Variants in ETFA observed in about 807,000 individuals in gnomAD.
The protein encoded by ETFA is electron transfer flavoprotein subunit alpha, mitochondrial.
A neutral mutation model predicts 46.2 loss-of-function variants in ETFA; 22 were observed. The observed-to-expected ratio is 0.48, with a 90% CI of 0.34 to 0.68. The LOEUF (loss-of-function observed/expected upper bound fraction) is 0.68, where lower values mean the gene tolerates loss of function less well. ETFA is among the 30% of genes least tolerant of loss of function. ETFA has a pLI of 0.01. For synonymous variants in ETFA, 131 were observed against 139.9 expected (o/e 0.94, Z 0.45); for missense variants, 345 against 401.1 (o/e 0.86, Z 1.19).
intron 9 of ETFA, among the ~76,000 whole-genome samples, chr15:76,251,685 C>T (rs1402915336): frequency 6.6e-6 from 1 of 152,144 alleles, no homozygotes; most frequent in Non-Finnish European, 1.5e-5. Flanking sequence ...TACCACCCCA[C>T]TTCAACTCCA....
Position 76,216,520 on chromosome 15 carries a change from A to G in ETFA, c.*39T>C. ...CAAATATCTGTGATTTCAGTGGAATACTTTAACAAAAGTTTTCTTTTTAAG... is the reference window on the plus strand; with the variant it reads ...CAAATATCTGTGATTTCAGTGGAATGCTTTAACAAAAGTTTTCTTTTTAAG... On this transcript the variant is annotated 3_prime_UTR_variant, in exon 12 of 12. Transcript: ENST00000557943. The G allele has an allele frequency of 8.4e-7, 1 of 1,185,706 alleles. No homozygotes were observed. The highest frequency in any genetic ancestry group is 1.3e-6 in the Non-Finnish European group (1 of 789,734). The allele number at this position is 1,185,706 out of a possible 1,614,324, so 73.4% of individuals were successfully genotyped here. A position where few individuals can be genotyped will look rare whatever the true frequency, so the allele number is the denominator to read the frequency against.
Position 76,223,589 on chromosome 15 carries a change from C to T in ETFA, c.963+2260G>A, listed in dbSNP as rs547071386. On this transcript the variant is annotated intron_variant, in intron 11 of 11. Transcript: ENST00000557943. ...CTTAACACAATTCTAGCTAAAAGAA[C>T]ATAAACATGATATCTTGGTCTGAAG... Among the ~76,000 whole-genome samples, 4 of 152,290 alleles carry T rather than the reference C, an allele frequency of 2.6e-5. No individual in the cohort carries two copies. In the South Asian group the frequency reaches 8.3e-4, roughly 32 times the overall value.
chr15:76,235,823 C>A (rs192811456), intron 9 of ETFA, among the ~76,000 whole-genome samples: 1 of 152,326 alleles, frequency 6.6e-6, no homozygotes, highest in East Asian at 1.9e-4. Flanking sequence ...GGGACAATAT[C>A]TTTACCTTCT....
At chr15:76,289,413 A>G (rs2039736376) in intron 4 of ETFA, among the ~76,000 whole-genome samples, 1 of 152,194 alleles carries the variant, frequency 6.6e-6, no homozygotes, top group South Asian at 2.1e-4. Flanking sequence ...GCCTCTTTTA[A>G]AAGTTTTAGA....
At chr15:76,243,563 C>T (rs927700947) in intron 9 of ETFA, among the ~76,000 whole-genome samples, 2 of 88,120 alleles carry the variant, frequency 2.3e-5, no homozygotes, top group African/African-American at 3.0e-5. Flanking sequence ...TTTGGGAGGC[C>T]GAGGCGGGTG....
intron 11 of ETFA, among the ~76,000 whole-genome samples, chr15:76,224,148 A>G (rs2038982798): frequency 6.6e-6 from 1 of 152,202 alleles, no homozygotes. Flanking sequence ...TAAGAACTGA[A>G]TTCTTACTAC....
intron 9 of ETFA, among the ~76,000 whole-genome samples, chr15:76,269,933 A>C (rs1416276640): frequency 6.6e-6 from 1 of 152,268 alleles, no homozygotes; most frequent in African/African-American, 2.4e-5. Context: ...AAAAAAGGGC[A>C]AAAGATTTGA....
At chr15:76,260,261 G>A in intron 9 of ETFA, 1 of 1,186,178 alleles carries the variant, frequency 8.4e-7, no homozygotes, top group Admixed American at 1.7e-5. Flanking sequence ...CTTGATTGAA[G>A]GACCGGGCTG....
At chr15:76,265,167 T>C (rs2039458072) in intron 9 of ETFA, among the ~76,000 whole-genome samples, 2 of 152,212 alleles carry the variant, frequency 1.3e-5, no homozygotes, top group African/African-American at 2.4e-5. Context: ...CCATGGGAGT[T>C]AGGGGACCCT....
chr15:76,299,680 C>T (rs1180072269), intron 1 of ETFA, among the ~76,000 whole-genome samples: 2 of 152,162 alleles, frequency 1.3e-5, no homozygotes, highest in African/African-American at 4.8e-5. Context: ...ATCAAGGGAC[C>T]TGATTTCCTT....
chr15:76,226,410 C>T (rs770629339), intron 10 of ETFA: 4 of 166,482 alleles, frequency 2.4e-5, no homozygotes, highest in Non-Finnish European at 5.2e-5. Context: ...CAGGGTAAAA[C>T]CTGTCTCTAC....
chr15:76,234,146 G>T (rs1404205838), intron 9 of ETFA, among the ~76,000 whole-genome samples: 1 of 152,066 alleles, frequency 6.6e-6, no homozygotes, highest in East Asian at 1.9e-4. Context: ...ATGACCAACA[G>T]GACTTTATTT....
At chr15:76,223,182 A>G (rs578172984) in intron 11 of ETFA, among the ~76,000 whole-genome samples, 19 of 147,054 alleles carry the variant, frequency 1.3e-4, no homozygotes, top group South Asian at 1.1e-3. Flanking sequence ...CTACTTTTGT[A>G]TTAATCAAAT....
At chr15:76,260,733 G>A (rs2039401857) in intron 9 of ETFA, 2 of 1,606,512 alleles carry the variant, frequency 1.2e-6, no homozygotes, top group East Asian at 2.2e-5. Context: ...GTTTTGGGGA[G>A]CGCTGGCTGG....
At chr15:76,279,265 C>A (rs1005408640) in intron 8 of ETFA, among the ~76,000 whole-genome samples, 5 of 152,148 alleles carry the variant, frequency 3.3e-5, no homozygotes, top group Non-Finnish European at 7.3e-5. Context: ...CATGTAACCA[C>A]TACCTATGCC....
intron 9 of ETFA, among the ~76,000 whole-genome samples, chr15:76,254,052 G>A (rs1321265440): frequency 6.6e-6 from 1 of 152,146 alleles, no homozygotes; most frequent in Non-Finnish European, 1.5e-5. Context: ...AAGGGAGGGA[G>A]GCACATTGAA....
intron 9 of ETFA, among the ~76,000 whole-genome samples, chr15:76,266,237 T>C (rs1481755856): frequency 6.6e-6 from 1 of 152,222 alleles, no homozygotes. Context: ...GATTGCTTTT[T>C]TTACCATTCC....
At chr15:76,291,547 A>G (rs1483471733) in intron 4 of ETFA, among the ~76,000 whole-genome samples, 4 of 151,646 alleles carry the variant, frequency 2.6e-5, no homozygotes, top group Admixed American at 6.6e-5. Context: ...TCAGGAGATC[A>G]AGACCATCCT....
chr15:76,311,418 T>TA lies in ETFA; in HGVS notation c.-31dup. On this transcript the variant is annotated 5_prime_UTR_variant, in exon 1 of 12. Coordinates refer to ENST00000557943, the MANE Select transcript of ETFA (RefSeq NM_000126.4). ...TCCGCTTCCGCCGCAACCTCGGCCTTACAGCAGCCCCGTGCCCGGCCAACT... is the reference window on the plus strand; with the variant it reads ...TCCGCTTCCGCCGCAACCTCGGCCTTAACAGCAGCCCCGTGCCCGGCCAACT... 3 of 1,551,358 alleles carry TA rather than the reference T, an allele frequency of 1.9e-6. No individual in the cohort carries two copies. Among genetic ancestry groups the TA allele is most frequent in the Non-Finnish European group, 2.6e-6 (3 of 1,149,410 alleles).
Sources: allele counts gnomAD v4.1 joint callset (sites outside exome capture counted in the v4.1 genomes callset), GRCh38; gene constraint gnomAD v4.1.1; transcripts MANE v1.5; gene names NCBI Gene and HGNC (gene_info 2026-07-23, HGNC 2026-07-21).